The following THSD7B variants were observed in gnomAD, a reference collection of about 807,000 sequenced individuals.
THSD7B encodes the protein thrombospondin type-1 domain-containing protein 7B.
A neutral mutation model predicts 213.6 loss-of-function variants in THSD7B; 138 were observed. That is an observed-to-expected ratio of 0.65 (90% CI 0.56 to 0.74). The LOEUF is 0.74. THSD7B is among the 30% of genes least tolerant of loss of function. THSD7B has a pLI of 0.00. For synonymous variants in THSD7B, 742 were observed against 687.0 expected (o/e 1.08, Z -1.25); for missense variants, 1,931 against 1,991.5 (o/e 0.97, Z 0.58).
At chr2:136,950,793 T>C (rs911583193) in intron 2 of THSD7B, among the ~76,000 whole-genome samples, 30 of 152,216 alleles carry the variant, frequency 2.0e-4, no homozygotes, top group African/African-American at 7.2e-4. Context: ...TCAATAATTT[T>C]TACATTTCGT....
At chr2:137,000,774 G>T (rs897278620) in intron 2 of THSD7B, among the ~76,000 whole-genome samples, 1 of 152,118 alleles carries the variant, frequency 6.6e-6, no homozygotes, top group East Asian at 1.9e-4. Context: ...ATGCATTTTT[G>T]ATCATTAATT....
At chr2:137,094,339 G>T (rs1210507208) in intron 3 of THSD7B, among the ~76,000 whole-genome samples, 1 of 152,186 alleles carries the variant, frequency 6.6e-6, no homozygotes, top group African/African-American at 2.4e-5. Context: ...GGGAGGCCAA[G>T]GTGGGTGGAT....
At chr2:137,412,621 C>T (rs13006035) in intron 14 of THSD7B, among the ~76,000 whole-genome samples, 1 of 103,804 alleles carries the variant, frequency 9.6e-6, no homozygotes, top group Non-Finnish European at 1.9e-5. Context: ...CAAAAAAAAA[C>T]AAAAAACAGT....
Position 137,313,575 on chromosome 2 carries a change from T to G in THSD7B, c.2500+37549T>G, listed in dbSNP as rs541941118. 4.0e-3 allele frequency among the ~76,000 whole-genome samples: 613 copies of G among 151,476 alleles called. 3 individuals are homozygous for G. The highest frequency in any genetic ancestry group is 0.014 in the African/African-American group (585 of 41,180). On this transcript the variant is annotated intron_variant, in intron 12 of 27. Coordinates refer to ENST00000409968, the MANE Select transcript of THSD7B (RefSeq NM_001316349.2). ...TGATGTTAGCTGGTGATTTTGCTCA[T>G]TAGTTGATGCAGTTTCTTCCTAGTC...
chr2:137,271,458 A>G (rs1682737307), intron 10 of THSD7B, among the ~76,000 whole-genome samples: 1 of 144,694 alleles, frequency 6.9e-6, no homozygotes, highest in Non-Finnish European at 1.5e-5. Context: ...ATAATATAAT[A>G]TATAATATAA....
chr2:136,895,890 T>C (rs1683949892), intron 2 of THSD7B, among the ~76,000 whole-genome samples: 1 of 152,194 alleles, frequency 6.6e-6, no homozygotes, highest in Admixed American at 6.5e-5. Context: ...CCAGCTTCTT[T>C]CATATCACAT....
At chr2:137,346,951 G>A (rs368119000) in intron 12 of THSD7B, among the ~76,000 whole-genome samples, 7 of 151,642 alleles carry the variant, frequency 4.6e-5, no homozygotes, top group Admixed American at 4.0e-4. Context: ...ACATAGAAGC[G>A]GAATTGCTGG....
chr2:137,592,560 A>G (rs1011682420), intron 17 of THSD7B, among the ~76,000 whole-genome samples: 2 of 151,896 alleles, frequency 1.3e-5, no homozygotes, highest in Non-Finnish European at 2.9e-5. Flanking sequence ...TTCTGAGACT[A>G]TAACTTTTAT....
chr2:136,949,540 C>T (rs1297549818), intron 2 of THSD7B, among the ~76,000 whole-genome samples: 2 of 152,186 alleles, frequency 1.3e-5, no homozygotes, highest in South Asian at 2.1e-4. Context: ...TGTTTCCCAG[C>T]GTGGTTGCTG....
At chr2:136,998,629 T>C (rs1685940431) in intron 2 of THSD7B, among the ~76,000 whole-genome samples, 1 of 152,178 alleles carries the variant, frequency 6.6e-6, no homozygotes, top group Admixed American at 6.5e-5. Flanking sequence ...CAGAATTTGC[T>C]AGCTGTAGAA....
chr2:137,618,617 G>A (rs1241672289), intron 19 of THSD7B, 110 bp downstream of exon 19: 2 of 992,476 alleles, frequency 2.0e-6, no homozygotes, highest in African/African-American at 3.3e-5. Flanking sequence ...TCTCATCTCA[G>A]CTTAGGTTCA....
intron 7 of THSD7B, among the ~76,000 whole-genome samples, chr2:137,201,462 A>G (rs185740442): frequency 6.6e-6 from 1 of 152,262 alleles, no homozygotes; most frequent in Non-Finnish European, 1.5e-5. Context: ...TCATATGGTA[A>G]TTCTACTTTT....
At chr2:137,674,102 G>GTGAT (rs1345160818) in intron 27 of THSD7B, among the ~76,000 whole-genome samples, 3 of 152,130 alleles carry the variant, frequency 2.0e-5, no homozygotes, top group Non-Finnish European at 2.9e-5. Context: ...TGTCTCCCAG[G>GTGAT]TGATAGTATT....
At chr2:137,192,090 C>T (rs1292060701) in intron 7 of THSD7B, among the ~76,000 whole-genome samples, 2 of 151,924 alleles carry the variant, frequency 1.3e-5, no homozygotes, top group African/African-American at 4.8e-5. Flanking sequence ...GGGTTTATAC[C>T]TCCCTACAGT....
At chr2:137,165,711 C>A (rs994904186) in intron 6 of THSD7B, among the ~76,000 whole-genome samples, 2 of 151,926 alleles carry the variant, frequency 1.3e-5, no homozygotes, top group African/African-American at 4.8e-5. Flanking sequence ...ATTCCACTAG[C>A]AGAAATCTAG....
intron 2 of THSD7B, among the ~76,000 whole-genome samples, chr2:136,888,840 C>G (rs1683765754): frequency 6.6e-6 from 1 of 151,822 alleles, no homozygotes; most frequent in Non-Finnish European, 1.5e-5. Context: ...TTTTATTCAC[C>G]AATATACTCC....
chr2:137,315,365 C>G (rs1573956199), intron 12 of THSD7B, among the ~76,000 whole-genome samples: 1 of 152,174 alleles, frequency 6.6e-6, no homozygotes, highest in Non-Finnish European at 1.5e-5. Flanking sequence ...CCTGCTTCGG[C>G]TCATGCACAG....
chr2:137,444,829 A>G (rs1687493232), intron 14 of THSD7B, among the ~76,000 whole-genome samples: 1 of 152,166 alleles, frequency 6.6e-6, no homozygotes, highest in Admixed American at 6.5e-5. Context: ...AAATGAAGAG[A>G]CAACCTACAG....
At chr2:136,890,141 C>T (rs1373771156) in intron 2 of THSD7B, among the ~76,000 whole-genome samples, 1 of 152,018 alleles carries the variant, frequency 6.6e-6, no homozygotes, top group Non-Finnish European at 1.5e-5. Flanking sequence ...CACATTGCTA[C>T]CTGTTTGCTT....
Sources: allele counts gnomAD v4.1 joint callset (sites outside exome capture counted in the v4.1 genomes callset), GRCh38; gene constraint gnomAD v4.1.1; transcripts MANE v1.5; gene names NCBI Gene and HGNC (gene_info 2026-07-23, HGNC 2026-07-21).